FYN: variants seen among roughly 807,000 people sequenced by gnomAD.
FYN encodes the protein FYN proto-oncogene, Src family tyrosine kinase.
In FYN, 10 loss-of-function variants were observed where a neutral mutation model predicts 70.2. The observed-to-expected ratio is 0.14, with a 90% CI of 0.09 to 0.24. The LOEUF is 0.24. Ranked by LOEUF, FYN falls within the 10% of genes least tolerant of loss-of-function variation. The probability of loss-of-function intolerance (pLI) is 1.00; values close to 1 mark genes in which losing one functional copy is unlikely to be tolerated. For synonymous variants in FYN, 236 were observed against 248.6 expected (o/e 0.95, Z 0.48); for missense variants, 319 against 673.1 (o/e 0.47, Z 5.82).
intron 9 of FYN, among the ~76,000 whole-genome samples, chr6:111,697,759 G>A (rs915445200): frequency 6.6e-6 from 1 of 152,172 alleles, no homozygotes; most frequent in Non-Finnish European, 1.5e-5. Flanking sequence ...TGGGCATGTT[G>A]TCTTGTGTTT....
intron 2 of FYN, among the ~76,000 whole-genome samples, chr6:111,781,493 G>A (rs1281871438): frequency 6.6e-6 from 1 of 152,116 alleles, no homozygotes; most frequent in Non-Finnish European, 1.5e-5. Context: ...TTTCCTCAAC[G>A]GATGCACCTT....
At chr6:111,859,397 C>T (rs1380176653) in intron 1 of FYN, among the ~76,000 whole-genome samples, 1 of 152,108 alleles carries the variant, frequency 6.6e-6, no homozygotes, top group Admixed American at 6.6e-5. Flanking sequence ...GGCCTCACTC[C>T]ATATTTTTTA....
At chr6:111,867,228 T>G (rs1179721648) in intron 1 of FYN, among the ~76,000 whole-genome samples, 1 of 152,104 alleles carries the variant, frequency 6.6e-6, no homozygotes, top group Non-Finnish European at 1.5e-5. Context: ...TCTCAGCACT[T>G]TGGGAAGCTG....
intron 7 of FYN, 103 bp downstream of exon 7, chr6:111,703,896 G>A (rs1799951421): frequency 6.9e-6 from 6 of 865,072 alleles, no homozygotes; most frequent in Non-Finnish European, 1.1e-5. Context: ...GGGAGGGTAT[G>A]TGCCATTTTA....
chr6:111,705,988 C>A (rs527469892), intron 6 of FYN, among the ~76,000 whole-genome samples: 1 of 152,208 alleles, frequency 6.6e-6, no homozygotes, highest in African/African-American at 2.4e-5. Context: ...GAACTGGTTA[C>A]TGTACACCTT....
At position 111,661,687 on chromosome 6, in the gene FYN, G is replaced by T; in HGVS notation, c.*52C>A. ...CTGGCTACGGAATTGAAAGCTAATG[G>T]GGAGGGGTGGGGCAGCCTCTGGGAC... On this transcript the variant is annotated 3_prime_UTR_variant, in exon 14 of 14. Coordinates refer to ENST00000354650, the MANE Select transcript of FYN (RefSeq NM_002037.5). This position sits in a 1 kb window ranked among gnomAD's most constrained non-coding sequence, Gnocchi z 4.0. The T allele has an allele frequency of 6.5e-7, 1 of 1,529,060 alleles. No homozygotes were observed. Among genetic ancestry groups the T allele is most frequent in the South Asian group, 1.2e-5 (1 of 84,238 alleles). 94.7% of individuals were successfully genotyped at this position (1,529,060 alleles called of 1,614,324 possible). A position where few individuals can be genotyped will look rare whatever the true frequency, so the allele number is the denominator to read the frequency against.
chr6:111,800,908 C>A (rs1290691432), intron 2 of FYN, among the ~76,000 whole-genome samples: 1 of 152,156 alleles, frequency 6.6e-6, no homozygotes, highest in East Asian at 1.9e-4. Context: ...TGACTAACTT[C>A]CATGATTTAA....
At chr6:111,860,123 T>C (rs989265183) in intron 1 of FYN, among the ~76,000 whole-genome samples, 4 of 152,132 alleles carry the variant, frequency 2.6e-5, no homozygotes, top group Non-Finnish European at 4.4e-5. Flanking sequence ...GCCTGGTTTC[T>C]GATTTTGGGC....
chr6:111,842,834 C>T (rs778365048), intron 2 of FYN, among the ~76,000 whole-genome samples: 14 of 152,156 alleles, frequency 9.2e-5, no homozygotes, highest in Non-Finnish European at 4.4e-5. Context: ...TATCATTTCT[C>T]TTGGGACTTA....
chr6:111,862,513 C>T (rs948364525), intron 1 of FYN, among the ~76,000 whole-genome samples: 23 of 152,102 alleles, frequency 1.5e-4, no homozygotes, highest in Non-Finnish European at 8.8e-5. Context: ...CTGCATGTTC[C>T]AGTGCCTTAC....
At chr6:111,749,000 T>C (rs1190679989) in intron 3 of FYN, among the ~76,000 whole-genome samples, 1 of 152,118 alleles carries the variant, frequency 6.6e-6, no homozygotes, top group Non-Finnish European at 1.5e-5. Flanking sequence ...CTGCAATATG[T>C]TTCCTAGGAG....
intron 2 of FYN, among the ~76,000 whole-genome samples, chr6:111,806,034 T>C (rs1202464529): frequency 6.6e-6 from 1 of 152,056 alleles, no homozygotes; most frequent in African/African-American, 2.4e-5. Flanking sequence ...AACGGGGAAG[T>C]GGGATGGGTG....
chr6:111,782,322 A>C (rs895708592), intron 2 of FYN, among the ~76,000 whole-genome samples: 8 of 152,178 alleles, frequency 5.3e-5, no homozygotes, highest in African/African-American at 1.9e-4. Context: ...ATCACAGCAC[A>C]GCAGGGAGGC....
chr6:111,817,771 A>G (rs1051825977), intron 2 of FYN, among the ~76,000 whole-genome samples: 23 of 152,268 alleles, frequency 1.5e-4, no homozygotes, highest in African/African-American at 5.5e-4. Flanking sequence ...GCTTGTGTCA[A>G]TAACAAATGG....
chr6:111,681,076 G>A lies in FYN; in HGVS notation c.1274-6446C>T, dbSNP rs537826147. ...ACAGTCTCACTCTGTTGCCCAGGCT[G>A]GAGTGCAGTGGTGCAATCTTGACTT... On this transcript the variant is annotated intron_variant, in intron 12 of 13. Coordinates refer to ENST00000354650, the MANE Select transcript of FYN (RefSeq NM_002037.5). Among the ~76,000 whole-genome samples the A allele has an allele frequency of 2.9e-4, 42 of 146,150 alleles. 1 individual carries two copies. Among genetic ancestry groups the A allele is most frequent in the African/African-American group, 1.0e-3 (41 of 39,490 alleles).
At chr6:111,822,562 TG>T (rs1772701387) in intron 2 of FYN, among the ~76,000 whole-genome samples, 2 of 151,962 alleles carry the variant, frequency 1.3e-5, no homozygotes, top group African/African-American at 4.8e-5. Flanking sequence ...CAAACCAACA[TG>T]GCACATGTAT....
intron 2 of FYN, among the ~76,000 whole-genome samples, chr6:111,796,571 T>C (rs1241014862): frequency 1.3e-5 from 2 of 152,236 alleles, no homozygotes; most frequent in Non-Finnish European, 2.9e-5. Context: ...AACGCGTGAC[T>C]GTACATAACT....
At chr6:111,736,912 T>C (rs199841493) in intron 3 of FYN, among the ~76,000 whole-genome samples, 5 of 152,350 alleles carry the variant, frequency 3.3e-5, no homozygotes, top group African/African-American at 7.2e-5. Context: ...ATAACTCTTA[T>C]AGAAGAGACT....
intron 3 of FYN, among the ~76,000 whole-genome samples, chr6:111,749,472 A>C (rs188957181): frequency 2.7e-4 from 41 of 152,210 alleles, no homozygotes; most frequent in Admixed American, 4.6e-4. Flanking sequence ...AGATGGAAAA[A>C]CTTAAATGCA....
Sources: allele counts gnomAD v4.1 joint callset (sites outside exome capture counted in the v4.1 genomes callset), GRCh38; gene constraint gnomAD v4.1.1; non-coding constraint Gnocchi (gnomAD v3.1); transcripts MANE v1.5; gene names NCBI Gene and HGNC (gene_info 2026-07-23, HGNC 2026-07-21).